The following ZNF507 variants were observed in gnomAD, a reference collection of about 807,000 sequenced individuals.
ZNF507 encodes zinc finger protein 507.
ZNF507 carries 29 observed loss-of-function variants against 80.0 expected under a neutral mutation model. The ratio of observed to expected loss-of-function variants is 0.36; its 90% CI spans 0.27 to 0.49. ZNF507 has a LOEUF of 0.49. Among genes scored for constraint, ZNF507 ranks in the 20% least tolerant of loss-of-function variants. ZNF507 has a pLI of 0.98. For missense variants in ZNF507, 1,081 were observed against 1,152.2 expected, an observed-to-expected ratio of 0.94 and a Z score of 0.90; for synonymous variants, 462 against 422.5, an observed-to-expected ratio of 1.09 and a Z score of -1.15.
chr19:32,353,674 G>C lies in ZNF507; in HGVS notation c.844G>C (p.Glu282Gln), dbSNP rs1222185299. ...GGTTGATTGCTCCTATCCAATCTTT[G>C]AAAATGAAAATGAACCCCTAGGCCT... ...GEVDCSYPIF[E>Q]NENEPLGLLD... The change falls in exon 3 of 7, where the codon GAA becomes CAA. Residue 282 changes from glutamate to glutamine, a missense_variant. This residue lies in a region of ZNF507 where 614 missense variants were observed against 583.9 expected (regional missense o/e 1.05). Transcript: ENST00000355898. 1 of 1,614,174 alleles carries C rather than the reference G, an allele frequency of 6.2e-7. No homozygotes were observed. The highest frequency in any genetic ancestry group is 8.5e-7 in the Non-Finnish European group (1 of 1,180,038).
At chr19:32,378,173 C>G (rs1000554872) in intron 5 of ZNF507, among the ~76,000 whole-genome samples, 1 of 151,974 alleles carries the variant, frequency 6.6e-6, no homozygotes, top group African/African-American at 2.4e-5. Context: ...GCTAACATGA[C>G]GAAACCCCAT....
At position 32,366,207 on chromosome 19, in the gene ZNF507, A is replaced by G. The variant is rs574120816; in HGVS notation, c.2360+5589A>G. On this transcript the variant is annotated intron_variant, in intron 5 of 6. Transcript: ENST00000355898. ...TCTCTCTCTCCCTCCCTCCCTCTAA[A>G]TTTTTTAAATAGATTTTATAATTGA... Among the ~76,000 whole-genome samples, 158 of 152,156 alleles carry G rather than the reference A, an allele frequency of 1.0e-3. 1 individual carries two copies. The highest frequency in any genetic ancestry group is 2.0e-3 in the Non-Finnish European group (133 of 68,008).
chr19:32,373,735 G>T (rs889770979), intron 5 of ZNF507, among the ~76,000 whole-genome samples: 1 of 152,178 alleles, frequency 6.6e-6, no homozygotes, highest in Non-Finnish European at 1.5e-5. Flanking sequence ...TTATTTATTT[G>T]TTCTAGAATT....
At position 32,384,355 on chromosome 19, in the gene ZNF507, A is replaced by G. The variant is rs1967661804; in HGVS notation, c.*1272A>G. The G allele has an allele frequency of 1.3e-5, 2 of 152,194 alleles. No individual in the cohort carries two copies. Among genetic ancestry groups the G allele is most frequent in the Non-Finnish European group, 2.9e-5 (2 of 68,026 alleles). The allele number at this position is 152,194 out of a possible 1,614,324, so 9.4% of individuals were successfully genotyped here. On this transcript the variant is annotated 3_prime_UTR_variant, in exon 7 of 7. Coordinates refer to ENST00000355898, the MANE Select transcript of ZNF507 (RefSeq NM_001136156.2). The stretch of plus-strand genomic sequence containing the variant: ...TATTAATTACACATTTTGTATTTTA[A>G]TTATTTCAAGGAGTGAAGAAAACAG...
intron 5 of ZNF507, among the ~76,000 whole-genome samples, chr19:32,368,054 C>T (rs1020243426): frequency 7.2e-5 from 11 of 152,106 alleles, no homozygotes; most frequent in Non-Finnish European, 1.3e-4. Flanking sequence ...GTCTCAGAGC[C>T]GGGGCCTGAA....
At chr19:32,351,020 A>G (rs1276880287) in intron 2 of ZNF507, among the ~76,000 whole-genome samples, 1 of 152,222 alleles carries the variant, frequency 6.6e-6, no homozygotes, top group Non-Finnish European at 1.5e-5. Flanking sequence ...AATGACTTAC[A>G]GCTGAGCGTA....
Position 32,356,655 on chromosome 19 carries a change from C to A in ZNF507, c.2167C>A (p.Pro723Thr). Residue 723 changes from proline (P) to threonine (T), a missense_variant, in exon 4 of 7, where the codon CCA becomes ACA. By Grantham distance (38) the Pro-to-Thr change is conservative. Around this residue, in one of 6 missense-constraint regions of ZNF507, gnomAD observed 614 missense variants for 583.9 expected, o/e 1.05. Coordinates refer to ENST00000355898, the MANE Select transcript of ZNF507 (RefSeq NM_001136156.2). ...RNHEREQHSL[P>T]DTLSIATSNE... is the part of the protein sequence containing the mutation. ...CCATGAGAGAGAACAGCACAGTCTTCCAGATACCTTGTCAATAGCAACTTC... is the reference window on the plus strand; with the variant it reads ...CCATGAGAGAGAACAGCACAGTCTTACAGATACCTTGTCAATAGCAACTTC... 1 of 1,614,136 alleles carries A rather than the reference C, an allele frequency of 6.2e-7. No individual in the cohort carries two copies. The highest frequency in any genetic ancestry group is 1.7e-5 in the Admixed American group (1 of 60,008).
At position 32,386,918 on chromosome 19, in the gene ZNF507, G is replaced by A. The variant is rs1435987344; in HGVS notation, c.*3835G>A. 1 of 152,308 alleles carries A rather than the reference G, an allele frequency of 6.6e-6. No individual in the cohort carries two copies. The highest frequency in any genetic ancestry group is 1.5e-5 in the Non-Finnish European group (1 of 68,008). 9.4% of individuals were successfully genotyped at this position (152,308 alleles called of 1,614,324 possible). A position where few individuals can be genotyped will look rare whatever the true frequency, so the allele number is the denominator to read the frequency against. On this transcript the variant is annotated 3_prime_UTR_variant, in exon 7 of 7. Transcript: ENST00000355898. Reference sequence around the variant, plus strand: ...TTTTCCTGGAAATGATGACTTTATTGCTTAGAAAGTTGTAAATAATTAAAA... The same window carrying A: ...TTTTCCTGGAAATGATGACTTTATTACTTAGAAAGTTGTAAATAATTAAAA...
intron 4 of ZNF507, chr19:32,359,733 A>G (rs1235967801): frequency 6.6e-6 from 1 of 152,236 alleles, no homozygotes; most frequent in Non-Finnish European, 1.5e-5. Flanking sequence ...CATGTCAGTC[A>G]TAACCTTTGT....
At chr19:32,373,907 T>C (rs1353493180) in intron 5 of ZNF507, among the ~76,000 whole-genome samples, 1 of 152,188 alleles carries the variant, frequency 6.6e-6, no homozygotes, top group Non-Finnish European at 1.5e-5. Flanking sequence ...ACTACATGTT[T>C]TGCTGTCGGG....
chr19:32,351,257 G>A (rs1967158905), intron 2 of ZNF507, among the ~76,000 whole-genome samples: 1 of 152,064 alleles, frequency 6.6e-6, no homozygotes, highest in Non-Finnish European at 1.5e-5. Context: ...TAGGAAGAAG[G>A]GAAGAAATAG....
In ZNF507 at chr19:32,354,069, C is replaced by T. The variant is rs905901493; in HGVS notation, c.1239C>T (p.Arg413=). The stretch of plus-strand genomic sequence containing the variant: ...CTGAAGAAACCCTTTCACAGAAGCG[C>T]TTCCTCATGAACACTGAAATGGAAG... ...PSAEETLSQK[R]FLMNTEMEEG... is the part of the protein sequence containing the mutation. The change falls in exon 3 of 7, where the codon CGC becomes CGT. Residue 413 remains arginine (R), a synonymous_variant. Transcript: ENST00000355898. The T allele has an allele frequency of 4.3e-6, 7 of 1,613,962 alleles. No individual in the cohort carries two copies. The highest frequency in any genetic ancestry group is 5.9e-6 in the Non-Finnish European group (7 of 1,180,046).
intron 5 of ZNF507, among the ~76,000 whole-genome samples, chr19:32,373,342 A>G (rs756579878): frequency 7.2e-5 from 11 of 152,126 alleles, no homozygotes; most frequent in Non-Finnish European, 1.5e-4. Flanking sequence ...TCCACATAGG[A>G]ATTTCGGTGG....
At chr19:32,352,467 T>G (rs1381124041) in intron 2 of ZNF507, among the ~76,000 whole-genome samples, 1 of 111,222 alleles carries the variant, frequency 9.0e-6, no homozygotes, top group African/African-American at 3.4e-5. Flanking sequence ...AATCAAGGAA[T>G]AGGAGTCTTT....
At position 32,354,465 on chromosome 19, in the gene ZNF507, G is replaced by T; in HGVS notation, c.1635G>T (p.Ser545=). Residue 545 remains serine (S), a synonymous_variant, in exon 3 of 7, where the codon TCG becomes TCT. Transcript: ENST00000355898. ...STLAAYSKMM[S]PLKNSSDGLT... is the part of the protein sequence containing the mutation. ...TGGCAGCGTACTCAAAAATGATGTC[G>T]CCACTTAAAAACTCTTCAGATGGAT... 1 of 1,614,070 alleles carries T rather than the reference G, an allele frequency of 6.2e-7. No homozygotes were observed. Among genetic ancestry groups the T allele is most frequent in the Non-Finnish European group, 8.5e-7 (1 of 1,180,016 alleles).
chr19:32,378,302 G>A (rs1052938821), intron 5 of ZNF507, among the ~76,000 whole-genome samples: 1 of 152,088 alleles, frequency 6.6e-6, no homozygotes, highest in Non-Finnish European at 1.5e-5. Context: ...GCAGTTTTCC[G>A]AGACCACAAC....
chr19:32,370,089 T>C (rs914829689), intron 5 of ZNF507, among the ~76,000 whole-genome samples: 4 of 152,338 alleles, frequency 2.6e-5, no homozygotes, highest in Middle Eastern at 3.4e-3. Flanking sequence ...ATTGAGTATG[T>C]GTGTGTGCGT....
At position 32,353,569 on chromosome 19, in the gene ZNF507, A is replaced by G. The variant is rs768953538; in HGVS notation, c.739A>G (p.Met247Val). The G allele has an allele frequency of 4.5e-5, 73 of 1,614,116 alleles. No homozygotes were observed. Among genetic ancestry groups the G allele is most frequent in the Non-Finnish European group, 6.1e-5 (72 of 1,180,050 alleles). Residue 247 changes from methionine to valine, a missense_variant, in exon 3 of 7, where the codon ATG (methionine) becomes GTG (valine). Met to Val is a conservative substitution (Grantham distance 21). Around this residue, in one of 6 missense-constraint regions of ZNF507, gnomAD observed 275 missense variants for 303.9 expected, o/e 0.90. Coordinates refer to ENST00000355898, the MANE Select transcript of ZNF507 (RefSeq NM_001136156.2). Reference sequence around the variant, plus strand: ...ATGGTATGCATACGAACAGTACGGCATGTATCGATGCTTGTTTTGTAGTTA... The same window carrying G: ...ATGGTATGCATACGAACAGTACGGCGTGTATCGATGCTTGTTTTGTAGTTA... ...RKWYAYEQYG[M>V]YRCLFCSYTC...
intron 5 of ZNF507, among the ~76,000 whole-genome samples, chr19:32,364,320 CTTTT>C (rs539979349): frequency 6.6e-6 from 1 of 151,454 alleles, no homozygotes; most frequent in Non-Finnish European, 1.5e-5. Context: ...CCTGACATTT[CTTTT>C]TTTTTCTTTT....
Sources: allele counts gnomAD v4.1 joint callset (sites outside exome capture counted in the v4.1 genomes callset), GRCh38; gene constraint gnomAD v4.1.1; regional missense constraint gnomAD v4.1.1; transcripts MANE v1.5; gene names NCBI Gene and HGNC (gene_info 2026-07-23, HGNC 2026-07-21).